Variants in USP13 observed in about 807,000 individuals in gnomAD.
USP13 encodes ubiquitin specific peptidase 13, also known as ubiquitin carboxyl-terminal hydrolase 13.
A neutral mutation model predicts 107.8 loss-of-function variants in USP13; 68 were observed. The ratio of observed to expected loss-of-function variants is 0.63; its 90% CI spans 0.52 to 0.77. The LOEUF (loss-of-function observed/expected upper bound fraction) is 0.77, where lower values mean the gene tolerates loss of function less well. USP13 is among the 30% of genes least tolerant of loss of function. USP13 has a pLI of 0.00. For missense variants in USP13, 945 were observed against 1,093.3 expected (o/e 0.86, Z 1.91); for synonymous variants, 377 against 389.5 (o/e 0.97, Z 0.38).
chr3:179,739,253 G>A (rs988066366), intron 10 of USP13, among the ~76,000 whole-genome samples: 7 of 152,294 alleles, frequency 4.6e-5, no homozygotes, highest in South Asian at 4.1e-4. Flanking sequence ...GGTCCCCCAC[G>A]AAATCCAGCA....
chr3:179,670,017 G>T (rs746985383), intron 1 of USP13, among the ~76,000 whole-genome samples: 1 of 151,370 alleles, frequency 6.6e-6, no homozygotes, highest in Non-Finnish European at 1.5e-5. Context: ...CTGTACTGTC[G>T]CCACCTTTTT....
At chr3:179,744,422 T>C (rs1270126923) in intron 12 of USP13, among the ~76,000 whole-genome samples, 1 of 152,202 alleles carries the variant, frequency 6.6e-6, no homozygotes. Flanking sequence ...ACAAGAATGT[T>C]TTTGTTACTT....
chr3:179,770,696 C>A (rs1028580776), intron 19 of USP13, among the ~76,000 whole-genome samples: 2 of 152,088 alleles, frequency 1.3e-5, no homozygotes, highest in Non-Finnish European at 1.5e-5. Context: ...CCTCCAACTC[C>A]CTGGTTCAAG....
Position 179,781,739 on chromosome 3 carries a change from C to T in USP13, c.2414C>T (p.Thr805Ile), listed in dbSNP as rs1286984735. The change falls in exon 20 of 21, where the codon ACA becomes ATA. Residue 805 changes from threonine (T) to isoleucine (I), a missense_variant and splice_region_variant. Coordinates refer to ENST00000263966, the MANE Select transcript of USP13 (RefSeq NM_003940.3). The part of the protein sequence containing the change: ...EGPRVKDGSG[T>I]YELFAFISHM... ...AACTGAGTTGTTTCCTCTTTCACAG[C>T]ATATGAGCTATTTGCATTCATCAGT... The T allele has an allele frequency of 1.9e-6, 3 of 1,613,626 alleles. No homozygotes were observed. In the East Asian group the frequency reaches 6.7e-5, roughly 36 times the overall value.
chr3:179,742,289 C>T lies in USP13; in HGVS notation c.1473C>T (p.Tyr491=), dbSNP rs745527189. Residue 491 remains tyrosine, a synonymous_variant, in exon 12 of 21, where the codon TAC becomes TAT. Coordinates refer to ENST00000263966, the MANE Select transcript of USP13 (RefSeq NM_003940.3). The surrounding 1 kb of genome is among the most constrained non-coding windows in gnomAD (Gnocchi z 5.0). Reference sequence around the variant, plus strand: ...GCTGTCAGACCCGGAAAGTCCGCTACACGGAGAGGGTGGATTACCTGATGC... The same window carrying T: ...GCTGTCAGACCCGGAAAGTCCGCTATACGGAGAGGGTGGATTACCTGATGC... ...IQCCQTRKVR[Y]TERVDYLMQL... 1.9e-5 allele frequency: 31 copies of T among 1,614,208 alleles called. No individual in the cohort carries two copies. The highest frequency in any genetic ancestry group is 2.6e-5 in the Non-Finnish European group (31 of 1,180,042).
intron 17 of USP13, among the ~76,000 whole-genome samples, chr3:179,761,817 A>C (rs1294194234): frequency 6.6e-6 from 1 of 152,224 alleles, no homozygotes; most frequent in Non-Finnish European, 1.5e-5. Context: ...CAGTGGCAAA[A>C]AGACCAATAG....
chr3:179,662,942 A>C (rs537806160), intron 1 of USP13, among the ~76,000 whole-genome samples: 11 of 150,818 alleles, frequency 7.3e-5, no homozygotes, highest in African/African-American at 2.2e-4. Context: ...CATCCATTCT[A>C]CCTCCCTCTC....
rs1403786243 is a variant in USP13, at chr3:179,784,622, G to A, written c.*481G>A. ...TTATTTGTGACATAATTTTTTTCAT[G>A]ACATACAATAATTTCTGATGTATCC... On this transcript the variant is annotated 3_prime_UTR_variant, in exon 21 of 21. Transcript: ENST00000263966. The A allele has an allele frequency of 6.5e-6, 1 of 154,614 alleles. No individual in the cohort carries two copies. The highest frequency in any genetic ancestry group is 1.4e-5 in the Non-Finnish European group (1 of 69,600). 9.6% of individuals were successfully genotyped at this position (154,614 alleles called of 1,614,324 possible).
At chr3:179,724,702 C>T (rs1713452127) in intron 8 of USP13, among the ~76,000 whole-genome samples, 1 of 152,014 alleles carries the variant, frequency 6.6e-6, no homozygotes, top group Non-Finnish European at 1.5e-5. Flanking sequence ...AGGTAGATTG[C>T]TAGATAGCAA....
chr3:179,716,461 T>A (rs966028660), intron 6 of USP13, among the ~76,000 whole-genome samples: 2 of 152,238 alleles, frequency 1.3e-5, no homozygotes, highest in African/African-American at 4.8e-5. Context: ...TCTGCATATC[T>A]TATTTAACAT....
At chr3:179,750,324 G>A (rs200855441) in intron 13 of USP13, among the ~76,000 whole-genome samples, 25 of 38,412 alleles carry the variant, frequency 6.5e-4, no homozygotes, top group African/African-American at 2.2e-3. Flanking sequence ...ATATATATGT[G>A]TGTATATATA....
intron 3 of USP13, among the ~76,000 whole-genome samples, 158 bp downstream of exon 3, chr3:179,690,459 C>T (rs1217688195): frequency 1.1e-4 from 16 of 152,214 alleles, no homozygotes; most frequent in Admixed American, 1.0e-3. Context: ...TTTGCGTTTA[C>T]CTACCAGTGA....
chr3:179,702,202 G>T (rs1290877617), intron 4 of USP13, among the ~76,000 whole-genome samples: 1 of 152,080 alleles, frequency 6.6e-6, no homozygotes, highest in Non-Finnish European at 1.5e-5. Flanking sequence ...TGTATTTTTA[G>T]TGCAGATGGG....
chr3:179,715,718 T>A (rs1398217528), intron 6 of USP13, among the ~76,000 whole-genome samples: 1 of 152,070 alleles, frequency 6.6e-6, no homozygotes, highest in African/African-American at 2.4e-5. Context: ...CTTCTTTTCC[T>A]GTCTGTTGCA....
At chr3:179,731,161 G>C (rs988476292) in intron 10 of USP13, among the ~76,000 whole-genome samples, 1 of 152,036 alleles carries the variant, frequency 6.6e-6, no homozygotes, top group Admixed American at 6.6e-5. Flanking sequence ...CTATAATCCC[G>C]GCACTTTGGG....
intron 10 of USP13, 40 bp from the exon 11 acceptor site, chr3:179,740,207 C>T (rs748287366): frequency 1.2e-6 from 2 of 1,608,836 alleles, no homozygotes; most frequent in Admixed American, 3.3e-5. Context: ...TGTTAATTTG[C>T]ATGAAAGTAT....
At chr3:179,676,121 C>T (rs904808228) in intron 1 of USP13, among the ~76,000 whole-genome samples, 6 of 152,182 alleles carry the variant, frequency 3.9e-5, no homozygotes, top group South Asian at 2.1e-4. Context: ...CTCAGCACTT[C>T]TCCTTCCAGC....
chr3:179,726,931 G>A (rs574808672), intron 8 of USP13, among the ~76,000 whole-genome samples: 2 of 151,630 alleles, frequency 1.3e-5, no homozygotes, highest in Admixed American at 6.6e-5. Flanking sequence ...TTCGCCCCTC[G>A]GCTTCCAAAA....
At chr3:179,702,306 A>C (rs1299957191) in intron 4 of USP13, among the ~76,000 whole-genome samples, 1 of 152,092 alleles carries the variant, frequency 6.6e-6, no homozygotes, top group African/African-American at 2.4e-5. Flanking sequence ...GGCGTGAGCC[A>C]CCGCGCCCGG....
Sources: allele counts gnomAD v4.1 joint callset (sites outside exome capture counted in the v4.1 genomes callset), GRCh38; gene constraint gnomAD v4.1.1; non-coding constraint Gnocchi (gnomAD v3.1); transcripts MANE v1.5; gene names NCBI Gene and HGNC (gene_info 2026-07-23, HGNC 2026-07-21).